Variants in CSMD1 observed in about 807,000 individuals in gnomAD.
CSMD1 encodes the protein CUB and Sushi multiple domains 1.
A neutral mutation model predicts 417.5 loss-of-function variants in CSMD1; 213 were observed. The observed-to-expected ratio is 0.51, with a 90% CI of 0.46 to 0.57. The LOEUF (loss-of-function observed/expected upper bound fraction) is 0.57, where lower values mean the gene tolerates loss of function less well. Ranked by LOEUF, CSMD1 falls within the 20% of genes least tolerant of loss-of-function variation. The pLI is 0.00. For missense variants in CSMD1, 6,923 were observed against 4,529.7 expected (o/e 1.53, Z -15.17); for synonymous variants, 2,862 against 1,736.8 (o/e 1.65, Z -16.11).
intron 50 of CSMD1, among the ~76,000 whole-genome samples, chr8:3,031,460 C>G (rs1275446590): frequency 6.6e-6 from 1 of 151,368 alleles, no homozygotes. Flanking sequence ...AACTTAAAGT[C>G]TAACAATAAT....
In CSMD1 at chr8:3,367,261, C is replaced by A. The variant is rs112891734; in HGVS notation, c.2900-14G>T. ...TCATTTGAACTCCTGAGAAATGAAG[C>A]CGGGGGAGAGAGAGAGAGACAGAGA... is the stretch of plus-strand genomic sequence containing the variant. On this transcript the variant is annotated splice_polypyrimidine_tract_variant and intron_variant, in intron 19 of 69. Coordinates refer to ENST00000635120, the MANE Select transcript of CSMD1 (RefSeq NM_033225.6). The A allele has an allele frequency of 1.5e-5, 23 of 1,581,818 alleles. 1 individual carries two copies. The African/African-American group carries it at 2.0e-4, about 14-fold the overall frequency.
chr8:3,442,580 G>C (rs565683254), intron 12 of CSMD1, among the ~76,000 whole-genome samples: 1 of 152,312 alleles, frequency 6.6e-6, no homozygotes. Context: ...ACAATAGGCT[G>C]TACCATATAT....
intron 1 of CSMD1, among the ~76,000 whole-genome samples, chr8:4,814,680 C>T (rs1237661984): frequency 1.3e-5 from 2 of 152,140 alleles, no homozygotes; most frequent in African/African-American, 4.8e-5. Flanking sequence ...TGGGTGAACA[C>T]AACAGCAAAT....
intron 1 of CSMD1, among the ~76,000 whole-genome samples, chr8:4,686,502 G>A (rs887151480): frequency 3.3e-5 from 5 of 152,176 alleles, no homozygotes; most frequent in African/African-American, 4.8e-5. Context: ...ACCTGTCTCT[G>A]AAAACACGGG....
At chr8:4,170,573 C>A (rs916581678) in intron 3 of CSMD1, among the ~76,000 whole-genome samples, 4 of 151,712 alleles carry the variant, frequency 2.6e-5, no homozygotes, top group African/African-American at 9.7e-5. Flanking sequence ...TGGATGAAAA[C>A]CTTAGCAGTA....
intron 3 of CSMD1, among the ~76,000 whole-genome samples, chr8:4,190,831 C>T (rs73658447): frequency 0.028 from 4,287 of 152,058 alleles, 226 homozygotes; most frequent in African/African-American, 0.097. Flanking sequence ...CATTACCCTT[C>T]GCAAACTGAT....
intron 23 of CSMD1, among the ~76,000 whole-genome samples, chr8:3,308,732 G>GTTTTTTTTTTTTTTTTT (rs5888961): frequency 3.7e-5 from 4 of 108,930 alleles, no homozygotes; most frequent in Admixed American, 1.1e-4. Flanking sequence ...CTACTTACAA[G>GTTTTTTTTTTTTTTTTT]TTTTTTTTTT....
At chr8:4,748,384 C>G (rs1432895843) in intron 1 of CSMD1, among the ~76,000 whole-genome samples, 1 of 152,178 alleles carries the variant, frequency 6.6e-6, no homozygotes, top group Non-Finnish European at 1.5e-5. Context: ...CCTTTGAATA[C>G]TTTTTAAATC....
At chr8:4,974,761 T>G (rs990590245) in intron 1 of CSMD1, among the ~76,000 whole-genome samples, 1 of 152,180 alleles carries the variant, frequency 6.6e-6, no homozygotes, top group Non-Finnish European at 1.5e-5. Context: ...TAGAAGGTGA[T>G]TTTTTGAGCC....
At chr8:3,411,545 T>A (rs776091991) in intron 12 of CSMD1, among the ~76,000 whole-genome samples, 5 of 151,690 alleles carry the variant, frequency 3.3e-5, no homozygotes, top group Non-Finnish European at 5.9e-5. Context: ...CATATGATGT[T>A]TGGCTTTGCA....
intron 2 of CSMD1, among the ~76,000 whole-genome samples, chr8:4,479,889 C>A (rs1800994807): frequency 6.6e-6 from 1 of 151,226 alleles, no homozygotes; most frequent in Admixed American, 6.6e-5. Context: ...TTGCTTGAAC[C>A]TGGGAGGCAG....
intron 23 of CSMD1, among the ~76,000 whole-genome samples, chr8:3,333,399 T>C (rs149788747): frequency 0.01 from 1,593 of 152,242 alleles, 32 homozygotes; most frequent in African/African-American, 0.036. Flanking sequence ...CTTTATAAAA[T>C]TATCTACAAG....
intron 3 of CSMD1, among the ~76,000 whole-genome samples, chr8:4,060,791 T>TA (rs529131265): frequency 3.2e-4 from 48 of 152,088 alleles, no homozygotes; most frequent in African/African-American, 1.1e-3. Flanking sequence ...ACCCTGAGAT[T>TA]AAAAAAAGGT....
chr8:4,156,426 G>A (rs1284015953), intron 3 of CSMD1, among the ~76,000 whole-genome samples: 1 of 152,126 alleles, frequency 6.6e-6, no homozygotes. Context: ...GTACTGACTT[G>A]AGAAAGAAAG....
intron 54 of CSMD1, among the ~76,000 whole-genome samples, chr8:2,984,299 G>A (rs1235318729): frequency 6.6e-6 from 1 of 152,126 alleles, no homozygotes; most frequent in Non-Finnish European, 1.5e-5. Context: ...GTAGGATGCT[G>A]GGAGGAGCAT....
At chr8:3,774,798 C>A (rs1396883963) in intron 5 of CSMD1, among the ~76,000 whole-genome samples, 1 of 152,156 alleles carries the variant, frequency 6.6e-6, no homozygotes, top group Non-Finnish European at 1.5e-5. Flanking sequence ...CGTTTTTAAG[C>A]CATGACTGTG....
At chr8:4,968,172 A>T (rs78098981) in intron 1 of CSMD1, among the ~76,000 whole-genome samples, 3,744 of 152,262 alleles carry the variant, frequency 0.025, 142 homozygotes, top group African/African-American at 0.085. Flanking sequence ...CTGAAATAGG[A>T]TAATTTTTTC....
intron 7 of CSMD1, among the ~76,000 whole-genome samples, chr8:3,648,803 C>T (rs1172281094): frequency 1.3e-5 from 2 of 151,228 alleles, no homozygotes; most frequent in Non-Finnish European, 3.0e-5. Context: ...TTACGCGGCA[C>T]CCCTCTCAGA....
chr8:4,317,886 G>C (rs1368736281), intron 3 of CSMD1, among the ~76,000 whole-genome samples: 2 of 152,144 alleles, frequency 1.3e-5, no homozygotes, highest in African/African-American at 2.4e-5. Context: ...AATATGTTCT[G>C]TCTTTCAGAT....
Sources: gnomAD v4.1 joint callset for allele counts (sites outside exome capture counted in the v4.1 genomes callset) on GRCh38, gnomAD v4.1.1 for gene constraint, MANE v1.5 for transcripts, NCBI Gene and HGNC (gene_info 2026-07-23, HGNC 2026-07-21) for gene names.